Variants in ESR1 observed in about 807,000 individuals in gnomAD.
ESR1 encodes the protein estrogen receptor 1.
Under a neutral mutation model 52.7 loss-of-function variants are expected in ESR1, and 12 were observed. The observed-to-expected ratio is 0.23, with a 90% CI of 0.15 to 0.37. The LOEUF is 0.37. Ranked by LOEUF, ESR1 falls within the 10% of genes least tolerant of loss-of-function variation. The pLI, the probability that ESR1 is intolerant of heterozygous loss-of-function variation, is 1.00. For synonymous variants in ESR1, 305 were observed against 316.8 expected, an observed-to-expected ratio of 0.96 and a Z score of 0.39; for missense variants, 584 against 779.7, an observed-to-expected ratio of 0.75 and a Z score of 2.99.
rs184467808 is a variant in ESR1 at position 151,715,830 on chromosome 6, T to C, written c.-71+13825T>C. 1.4e-4 allele frequency among the ~76,000 whole-genome samples: 21 copies of C among 152,340 alleles called. No individual in the cohort carries two copies. The East Asian group carries it at 4.1e-3, about 29-fold the overall frequency. On this transcript the variant is annotated intron_variant, in intron 2 of 2. Transcript: ENST00000404742. ...TTATTACTCACCTTCTGAAGCCGGC[T>C]TCTGTCAATTCATCAAACTCATTCT...
chr6:151,723,814 G>A (rs1389853342), intron 2 of ESR1, among the ~76,000 whole-genome samples: 1 of 152,136 alleles, frequency 6.6e-6, no homozygotes, highest in Non-Finnish European at 1.5e-5. Flanking sequence ...AGGTTGCAGT[G>A]AGCCGAGATC....
chr6:151,688,452 C>T (rs766750880), upstream of ESR1, among the ~76,000 whole-genome samples: 6 of 152,122 alleles, frequency 3.9e-5, no homozygotes, highest in Non-Finnish European at 5.9e-5. Flanking sequence ...GTTTCCTCAA[C>T]TGCAAAATGG....
intron 6 of ESR1, among the ~76,000 whole-genome samples, chr6:152,111,739 G>A (rs940406818): frequency 9.7e-4 from 147 of 152,246 alleles, no homozygotes; most frequent in African/African-American, 3.3e-3. Context: ...TGCAGGAACC[G>A]TGTCGCTGTC....
chr6:151,856,381 C>G (rs1787840063), intron 2 of ESR1, among the ~76,000 whole-genome samples: 1 of 152,156 alleles, frequency 6.6e-6, no homozygotes, highest in East Asian at 1.9e-4. Flanking sequence ...CTTCCTCTGG[C>G]TTTACTTCTA....
chr6:151,750,082 T>C (rs1477561279), intron 2 of ESR1, among the ~76,000 whole-genome samples: 2 of 152,226 alleles, frequency 1.3e-5, no homozygotes, highest in African/African-American at 2.4e-5. Flanking sequence ...CATTTCATAT[T>C]GTGTCATGTA....
intron 4 of ESR1, among the ~76,000 whole-genome samples, chr6:151,971,946 G>A (rs2038957208): frequency 6.6e-6 from 1 of 151,976 alleles, no homozygotes; most frequent in Non-Finnish European, 1.5e-5. Context: ...ATCCAAATAA[G>A]CTCAATTAGA....
intron 1 of ESR1, among the ~76,000 whole-genome samples, chr6:151,811,795 T>C (rs1286970233): frequency 6.6e-6 from 1 of 152,148 alleles, no homozygotes; most frequent in South Asian, 2.1e-4. Flanking sequence ...TAGTCCAGAG[T>C]CACATATTCC....
chr6:151,740,199 A>G (rs987292927), intron 2 of ESR1, among the ~76,000 whole-genome samples: 8 of 151,260 alleles, frequency 5.3e-5, no homozygotes, highest in Non-Finnish European at 1.2e-4. Context: ...GCTCACTGCA[A>G]CCTATGCTTC....
intron 6 of ESR1, among the ~76,000 whole-genome samples, chr6:152,088,191 CT>C (rs760735060): frequency 1.7e-4 from 26 of 152,134 alleles, no homozygotes; most frequent in Middle Eastern, 6.8e-3. Flanking sequence ...GATGCCCAAG[CT>C]TGACTAAAGT....
chr6:152,061,370 A>G lies in ESR1; in HGVS notation c.1369+246A>G, dbSNP rs535145875. 9.2e-5 allele frequency among the ~76,000 whole-genome samples: 14 copies of G among 152,306 alleles called. No individual in the cohort carries two copies. In the South Asian group the frequency reaches 2.9e-3, roughly 32 times the overall value. Reference sequence around the variant, plus strand: ...ATGGCCTTTGAGCTAAAATTTTTGTATGCTTTCACAGATAGGATGTTTTTA... The same window carrying G: ...ATGGCCTTTGAGCTAAAATTTTTGTGTGCTTTCACAGATAGGATGTTTTTA... On this transcript the variant is annotated intron_variant, in intron 6 of 7. Coordinates refer to ENST00000206249, the MANE Select transcript of ESR1 (RefSeq NM_000125.4). The surrounding 1 kb of genome is among the most constrained non-coding windows in gnomAD (Gnocchi z 4.3).
intron 1 of ESR1, among the ~76,000 whole-genome samples, chr6:151,820,681 T>C (rs973971552): frequency 5.3e-5 from 8 of 152,226 alleles, no homozygotes; most frequent in African/African-American, 1.9e-4. Flanking sequence ...TACTTCCTTG[T>C]CTTTATTTTA....
intron 2 of ESR1, among the ~76,000 whole-genome samples, chr6:151,782,242 A>G (rs535940605): frequency 6.6e-6 from 1 of 152,352 alleles, no homozygotes; most frequent in Admixed American, 6.5e-5. Flanking sequence ...GTATTTTTTT[A>G]TTTATGAAAC....
At chr6:151,846,864 A>G (rs1048746865) in intron 2 of ESR1, among the ~76,000 whole-genome samples, 6 of 152,144 alleles carry the variant, frequency 3.9e-5, no homozygotes, top group African/African-American at 1.4e-4. Flanking sequence ...CCCTGGGATG[A>G]GTTATATAAG....
At chr6:152,031,912 T>C (rs1196000377) in intron 5 of ESR1, among the ~76,000 whole-genome samples, 1 of 152,154 alleles carries the variant, frequency 6.6e-6, no homozygotes, top group Non-Finnish European at 1.5e-5. Context: ...GCAAACCGAA[T>C]CCAGCAGCAC....
chr6:151,987,251 CTT>C (rs1562635683), intron 4 of ESR1, among the ~76,000 whole-genome samples: 1 of 151,948 alleles, frequency 6.6e-6, no homozygotes, highest in Non-Finnish European at 1.5e-5. Flanking sequence ...TCACCAAAGT[CTT>C]TTTTAAAATT....
At chr6:151,808,901 C>G (rs1778331246) in intron 1 of ESR1, among the ~76,000 whole-genome samples, 1 of 152,158 alleles carries the variant, frequency 6.6e-6, no homozygotes, top group Admixed American at 6.5e-5. Flanking sequence ...TGATGACTTT[C>G]TGGGAAGCGA....
Position 152,102,545 on chromosome 6 carries a change from C to A in ESR1, c.*3579C>A. 9.3e-6 allele frequency: 2 copies of A among 215,042 alleles called. No individual in the cohort carries two copies. Among genetic ancestry groups the A allele is most frequent in the Non-Finnish European group, 1.9e-5 (2 of 106,490 alleles). The allele number at this position is 215,042 out of a possible 1,614,324, so 13.3% of individuals were successfully genotyped here. On this transcript the variant is annotated 3_prime_UTR_variant, in exon 8 of 8. Coordinates refer to ENST00000206249, the MANE Select transcript of ESR1 (RefSeq NM_000125.4). ...TACACTGCACCATTCCCAAGTTAAT[C>A]CCCTGAAAACTTACTCTCAACTGGA... is the stretch of plus-strand genomic sequence containing the variant.
chr6:151,685,024 C>T (rs1036984961), intron 1 of ESR1, among the ~76,000 whole-genome samples: 5 of 150,838 alleles, frequency 3.3e-5, no homozygotes, highest in African/African-American at 4.9e-5. Context: ...ACTAAAATTC[C>T]GGAGTTTGTG....
rs3839390 is a variant in ESR1 at position 152,062,121 on chromosome 6, C to CA, written c.1369+998dup. On this transcript the variant is annotated intron_variant, in intron 6 of 7. Coordinates refer to ENST00000206249, the MANE Select transcript of ESR1 (RefSeq NM_000125.4). ...GCTGAATTGCAGCTTGTATTGATCA[C>CA]ATACATAGAGAATCCGCACTTCCTT... Among the ~76,000 whole-genome samples the CA allele has an allele frequency of 5.5e-3, 842 of 152,320 alleles. 34 individuals carry two copies. In the East Asian group the frequency reaches 0.12, roughly 22 times the overall value.
Sources: gnomAD v4.1 joint callset for allele counts (sites outside exome capture counted in the v4.1 genomes callset) on GRCh38, gnomAD v4.1.1 for gene constraint, Gnocchi (gnomAD v3.1) non-coding constraint, MANE v1.5 for transcripts, NCBI Gene and HGNC (gene_info 2026-07-23, HGNC 2026-07-21) for gene names.